Variants in ANKRD31 observed in about 807,000 individuals in gnomAD.
ANKRD31 encodes the protein ankyrin repeat domain-containing protein 31.
ANKRD31 carries 147 observed loss-of-function variants against 186.0 expected under a neutral mutation model. That is an observed-to-expected ratio of 0.79 (90% CI 0.69 to 0.91). The LOEUF (loss-of-function observed/expected upper bound fraction) is 0.91. Among genes scored for constraint, ANKRD31 ranks in the 40% least tolerant of loss-of-function variants. ANKRD31 has a pLI of 0.00. For synonymous variants in ANKRD31, 673 were observed against 736.4 expected, an observed-to-expected ratio of 0.91 and a Z score of 1.39; for missense variants, 1,986 against 2,148.8, an observed-to-expected ratio of 0.92 and a Z score of 1.50.
intron 25 of ANKRD31, among the ~76,000 whole-genome samples, chr5:75,071,843 G>T (rs1033481650): frequency 6.6e-6 from 1 of 152,130 alleles, no homozygotes. Context: ...TTAGGGATAG[G>T]GCAGGAATCT....
In ANKRD31 at chr5:75,091,401, C is replaced by A; in HGVS notation, c.5332G>T (p.Glu1778Ter). 6.6e-7 allele frequency: 1 copy of A among 1,520,298 alleles called. No homozygotes were observed. Among genetic ancestry groups the A allele is most frequent in the Non-Finnish European group, 8.8e-7 (1 of 1,141,778 alleles). 94.2% of individuals were successfully genotyped at this position (1,520,298 alleles called of 1,614,324 possible). Residue 1778 changes from glutamate to a stop codon, truncating the protein, a stop_gained and splice_region_variant, in exon 23 of 26, where the codon GAG (glutamate) becomes TAG (stop). Coordinates refer to ENST00000506364, the MANE Select transcript of ANKRD31 (RefSeq NM_001372053.1). LOFTEE classifies it high-confidence loss of function. The part of the protein sequence containing the change: ...GNNILEFKTQ[E>*]TTHKASILLN... The stretch of plus-strand genomic sequence containing the variant: ...AAAATACTGGCTTTGTGGGTAGTCT[C>A]CTGAAGTGAAAAATAAAACAGAAAT...
At position 75,188,503 on chromosome 5, in the gene ANKRD31, T is replaced by G. The variant is rs1754885726; in HGVS notation, c.1554A>C (p.Pro518=). 1 of 1,535,212 alleles carries G rather than the reference T, an allele frequency of 6.5e-7. No homozygotes were observed. The highest frequency in any genetic ancestry group is 2.4e-5 in the East Asian group (1 of 40,876). ...GTAATCCTAACTTACCAGCATAACT[T>G]GGCTGATTAACATTTCCACCTTTTT... The part of the protein sequence containing the change: ...CIKKGGNVNQ[P]SYAGWTALHE... The change falls in exon 10 of 26, where the codon CCA becomes CCC. Residue 518 remains proline, a synonymous_variant. Transcript: ENST00000506364.
chr5:75,098,941 G>T (rs1040650006), intron 22 of ANKRD31, among the ~76,000 whole-genome samples: 7 of 152,094 alleles, frequency 4.6e-5, no homozygotes, highest in African/African-American at 1.4e-4. Context: ...CTGCCTGATT[G>T]CCCTGGCCAG....
rs1274276654 is a variant in ANKRD31 at position 75,071,268 on chromosome 5, AAATATTTTAATAATATTT to A, written c.5648-2622_5648-2605del. ...CATTTTTGTAACTTTTCAAAATATT[AAATATTTTAATAATATTT>A]AATATTTTAATAATATTTAATATTT... is the stretch of plus-strand genomic sequence containing the variant. On this transcript the variant is annotated intron_variant, in intron 25 of 25. Transcript: ENST00000506364. Among the ~76,000 whole-genome samples the A allele has an allele frequency of 1.6e-3, 234 of 148,854 alleles. 2 individuals carry two copies. The highest frequency in any genetic ancestry group is 3.9e-3 in the African/African-American group (160 of 41,010).
chr5:75,233,289 C>T (rs565583175), intron 1 of ANKRD31, among the ~76,000 whole-genome samples: 1 of 152,086 alleles, frequency 6.6e-6, no homozygotes, highest in African/African-American at 2.4e-5. Context: ...TCTCGAACTC[C>T]TGACCTCAAG....
intron 8 of ANKRD31, 100 bp from the exon 9 acceptor site, chr5:75,192,876 AT>A: frequency 1.1e-6 from 1 of 923,494 alleles, no homozygotes; most frequent in Non-Finnish European, 1.6e-6. Context: ...ACTCCAGGGT[AT>A]TTTACTGAGC....
chr5:75,115,417 T>C (rs1748138396), intron 19 of ANKRD31, among the ~76,000 whole-genome samples: 1 of 152,108 alleles, frequency 6.6e-6, no homozygotes, highest in Admixed American at 6.5e-5. Flanking sequence ...TGGGATCTAA[T>C]TAAACTAAAG....
chr5:75,171,447 T>C (rs1438339593), intron 10 of ANKRD31, among the ~76,000 whole-genome samples: 1 of 151,858 alleles, frequency 6.6e-6, no homozygotes, highest in East Asian at 1.9e-4. Context: ...TATAAAAATC[T>C]GTGAGATGCA....
chr5:75,216,811 T>A (rs1186136039), intron 3 of ANKRD31, among the ~76,000 whole-genome samples: 1 of 151,100 alleles, frequency 6.6e-6, no homozygotes, highest in East Asian at 1.9e-4. Context: ...CCCATGACAT[T>A]TACTTTAAAA....
chr5:75,168,922 G>A, intron 11 of ANKRD31, 57 bp downstream of exon 11: 1 of 1,427,068 alleles, frequency 7.0e-7, no homozygotes, highest in Non-Finnish European at 9.4e-7. Context: ...TGGTCCCAGA[G>A]ATATTTAATA....
chr5:75,208,553 C>T (rs1756402490), intron 4 of ANKRD31, among the ~76,000 whole-genome samples: 1 of 152,110 alleles, frequency 6.6e-6, no homozygotes. Flanking sequence ...CCCTAGGAAT[C>T]TCATTAAACA....
intron 5 of ANKRD31, among the ~76,000 whole-genome samples, chr5:75,204,718 T>A (rs887240655): frequency 1.3e-5 from 2 of 152,224 alleles, no homozygotes; most frequent in Admixed American, 1.3e-4. Flanking sequence ...TCACTGCTGG[T>A]ACTGTGTGAT....
chr5:75,102,205 T>C (rs1399300671), intron 22 of ANKRD31, among the ~76,000 whole-genome samples: 1 of 152,196 alleles, frequency 6.6e-6, no homozygotes, highest in Non-Finnish European at 1.5e-5. Flanking sequence ...CCACTCCAGA[T>C]CCTGTTTGCC....
At chr5:75,192,800 A>C (rs769756314) in intron 8 of ANKRD31, 24 bp from the exon 9 acceptor site, 1 of 1,478,226 alleles carries the variant, frequency 6.8e-7, no homozygotes, top group South Asian at 1.3e-5. Context: ...GTATTTTTTA[A>C]ATGGCTATAA....
chr5:75,087,733 TG>T (rs145277098), intron 23 of ANKRD31, among the ~76,000 whole-genome samples: 6,753 of 152,248 alleles, frequency 0.044, 353 homozygotes, highest in African/African-American at 0.12. Context: ...AAATACATTG[TG>T]GCTAAGAAAA....
intron 2 of ANKRD31, among the ~76,000 whole-genome samples, chr5:75,229,735 C>T (rs77566688): frequency 6.6e-6 from 1 of 151,522 alleles, no homozygotes; most frequent in Non-Finnish European, 1.5e-5. Flanking sequence ...TGTAGTGGTG[C>T]GTGCACATAG....
intron 25 of ANKRD31, among the ~76,000 whole-genome samples, chr5:75,077,275 T>C (rs1013749649): frequency 1.3e-5 from 2 of 152,108 alleles, no homozygotes; most frequent in African/African-American, 2.4e-5. Flanking sequence ...CTCACTTTGT[T>C]GTCCAGGCTG....
chr5:75,091,448 T>C (rs766560605), intron 22 of ANKRD31, 47 bp from the exon 23 acceptor site: 1 of 1,507,156 alleles, frequency 6.6e-7, no homozygotes. Context: ...ATAGCTGAAA[T>C]ATGTGAATTT....
chr5:75,077,664 G>A (rs1400004466), intron 25 of ANKRD31, among the ~76,000 whole-genome samples: 3 of 152,052 alleles, frequency 2.0e-5, no homozygotes, highest in African/African-American at 7.2e-5. Context: ...GGTGGCTCAT[G>A]CCTGTAATCC....
Sources: allele counts gnomAD v4.1 joint callset (sites outside exome capture counted in the v4.1 genomes callset), GRCh38; gene constraint gnomAD v4.1.1; transcripts MANE v1.5; gene names NCBI Gene and HGNC (gene_info 2026-07-23, HGNC 2026-07-21).